DPYD: variants seen among roughly 807,000 people sequenced by gnomAD.
DPYD encodes dihydropyrimidine dehydrogenase [NADP(+)].
In DPYD, 109 loss-of-function variants were observed where a neutral mutation model predicts 116.2. The observed-to-expected ratio is 0.94, with a 90% CI of 0.80 to 1.10. The LOEUF is 1.10. DPYD is among the 50% of genes least tolerant of loss of function. The pLI, the probability that DPYD is intolerant of heterozygous loss-of-function variation, is 0.00. For synonymous variants in DPYD, 440 were observed against 432.0 expected (o/e 1.02, Z -0.23); for missense variants, 1,302 against 1,254.5 (o/e 1.04, Z -0.57).
intron 19 of DPYD, among the ~76,000 whole-genome samples, chr1:97,223,554 A>G (rs1053325676): frequency 6.6e-6 from 1 of 152,042 alleles, no homozygotes; most frequent in Non-Finnish European, 1.5e-5. Context: ...AAATTAAATT[A>G]AATTATAGAA....
intron 19 of DPYD, among the ~76,000 whole-genome samples, chr1:97,224,343 C>T (rs1053218505): frequency 2.0e-5 from 3 of 151,934 alleles, no homozygotes; most frequent in African/African-American, 7.2e-5. Flanking sequence ...TAGCTAATTC[C>T]TTAGTTTTTA....
At chr1:97,614,520 A>C (rs1656148240) in intron 8 of DPYD, among the ~76,000 whole-genome samples, 1 of 152,074 alleles carries the variant, frequency 6.6e-6, no homozygotes, top group African/African-American at 2.4e-5. Context: ...TAGCCCCTAG[A>C]AGGGGCTTAA....
chr1:97,462,907 G>A (rs1313752117), intron 13 of DPYD, among the ~76,000 whole-genome samples: 1 of 152,010 alleles, frequency 6.6e-6, no homozygotes, highest in African/African-American at 2.4e-5. Context: ...CTGCTACCTG[G>A]AGGCTTCATC....
Position 97,323,628 on chromosome 1 carries a change from CAT to C in DPYD, c.2059-17333_2059-17332del, listed in dbSNP as rs1277952723. Among the ~76,000 whole-genome samples, 150 of 24,532 alleles carry C rather than the reference CAT, an allele frequency of 6.1e-3. 15 individuals carry two copies. Among genetic ancestry groups the C allele is most frequent in the Non-Finnish European group, 0.011 (115 of 10,286 alleles). The allele number at this position is 24,532 out of a possible 152,430, so 16.1% of individuals were successfully genotyped here. On this transcript the variant is annotated intron_variant, in intron 16 of 22. Coordinates refer to ENST00000370192, the MANE Select transcript of DPYD (RefSeq NM_000110.4). ...TATATATACACGTATATATACATAT[CAT>C]ATATACATATATGTGTATATATACA...
chr1:97,824,837 C>A (rs1316966109), intron 3 of DPYD, among the ~76,000 whole-genome samples: 1 of 152,168 alleles, frequency 6.6e-6, no homozygotes, highest in Non-Finnish European at 1.5e-5. Flanking sequence ...TCTTTCTTAT[C>A]CCAATGCACT....
At chr1:97,227,331 C>CAAAAAAATAAAAAAAAAAAAAAAAAA (rs1661241014) in intron 19 of DPYD, among the ~76,000 whole-genome samples, 1 of 26,378 alleles carries the variant, frequency 3.8e-5, no homozygotes, top group African/African-American at 1.2e-4. Context: ...GACTCTATCT[C>CAAAAAAATAAAAAAAAAAAAAAAAAA]AAAAAAAAAA....
Position 97,545,939 on chromosome 1 carries a change from T to C in DPYD, c.1524+3621A>G. ...TTGGTGAGTTTAAAGAATCAGATTGTCATACTCTACTGCACTTCCTTGAAG... is the reference window on the plus strand; with the variant it reads ...TTGGTGAGTTTAAAGAATCAGATTGCCATACTCTACTGCACTTCCTTGAAG... On this transcript the variant is annotated intron_variant, in intron 12 of 22. Transcript: ENST00000370192. 2.7e-6 allele frequency: 3 copies of C among 1,127,856 alleles called. No homozygotes were observed. In the Admixed American group the frequency reaches 5.1e-5, roughly 19 times the overall value. 69.9% of individuals were successfully genotyped at this position (1,127,856 alleles called of 1,614,324 possible).
intron 13 of DPYD, among the ~76,000 whole-genome samples, chr1:97,494,311 C>G (rs1366128836): frequency 6.6e-6 from 1 of 151,904 alleles, no homozygotes; most frequent in African/African-American, 2.4e-5. Context: ...ATCTTTCCAT[C>G]TTAGCCTGCT....
intron 18 of DPYD, among the ~76,000 whole-genome samples, chr1:97,254,169 T>C (rs1053674484): frequency 6.6e-6 from 1 of 152,166 alleles, no homozygotes; most frequent in South Asian, 2.1e-4. Context: ...CCCAAATATG[T>C]TGACTCCCAA....
intron 16 of DPYD, among the ~76,000 whole-genome samples, chr1:97,314,888 CTG>C (rs1558021613): frequency 6.6e-6 from 1 of 151,954 alleles, no homozygotes; most frequent in Non-Finnish European, 1.5e-5. Flanking sequence ...ATTCTAGACA[CTG>C]AGCCTCTCAG....
chr1:97,813,733 T>C (rs1368079151), intron 3 of DPYD, among the ~76,000 whole-genome samples: 2 of 152,152 alleles, frequency 1.3e-5, no homozygotes, highest in East Asian at 1.9e-4. Context: ...ACATACTAAA[T>C]TAAACTAAAT....
At chr1:97,486,268 A>T (rs1243701155) in intron 13 of DPYD, among the ~76,000 whole-genome samples, 1 of 152,188 alleles carries the variant, frequency 6.6e-6, no homozygotes, top group Non-Finnish European at 1.5e-5. Flanking sequence ...ATTTGAGTAC[A>T]TTAATAAATT....
intron 3 of DPYD, among the ~76,000 whole-genome samples, chr1:97,779,821 A>G (rs1666632802): frequency 6.6e-6 from 1 of 152,050 alleles, no homozygotes; most frequent in African/African-American, 2.4e-5. Flanking sequence ...CTATGGAAAG[A>G]TAAGAATTTA....
intron 8 of DPYD, among the ~76,000 whole-genome samples, chr1:97,643,283 C>G (rs1243769641): frequency 2.6e-5 from 4 of 152,022 alleles, no homozygotes; most frequent in Non-Finnish European, 5.9e-5. Flanking sequence ...AGGATAAGAA[C>G]AGACACTTCT....
At chr1:97,525,378 GA>G (rs11375210) in intron 12 of DPYD, among the ~76,000 whole-genome samples, 4 of 150,576 alleles carry the variant, frequency 2.7e-5, no homozygotes, top group Admixed American at 6.6e-5. Flanking sequence ...AAGAAAGAAA[GA>G]AAAAAAAACC....
intron 20 of DPYD, among the ~76,000 whole-genome samples, chr1:97,171,772 T>C (rs1656739446): frequency 6.6e-6 from 1 of 152,204 alleles, no homozygotes; most frequent in African/African-American, 2.4e-5. Context: ...CTTGGGCAAA[T>C]AACCTTGTAC....
chr1:97,619,574 A>T (rs1656506978), intron 8 of DPYD, among the ~76,000 whole-genome samples: 1 of 152,218 alleles, frequency 6.6e-6, no homozygotes, highest in Non-Finnish European at 1.5e-5. Flanking sequence ...TATCAATGCA[A>T]GGGAAACACC....
intron 20 of DPYD, among the ~76,000 whole-genome samples, chr1:97,177,195 T>G (rs1657342340): frequency 2.0e-5 from 3 of 152,182 alleles, no homozygotes; most frequent in African/African-American, 7.2e-5. Flanking sequence ...TGTTTGCATC[T>G]ATAATGACCA....
intron 3 of DPYD, among the ~76,000 whole-genome samples, chr1:97,767,874 C>T (rs1300581184): frequency 2.7e-5 from 4 of 150,568 alleles, no homozygotes; most frequent in Non-Finnish European, 4.4e-5. Context: ...CAGCAATCCT[C>T]TCTTTAAATA....
Sources: gnomAD v4.1 joint callset for allele counts (sites outside exome capture counted in the v4.1 genomes callset) on GRCh38, gnomAD v4.1.1 for gene constraint, MANE v1.5 for transcripts, NCBI Gene and HGNC (gene_info 2026-07-23, HGNC 2026-07-21) for gene names.